CEP112: variants seen among roughly 807,000 people sequenced by gnomAD.
The protein encoded by CEP112 is centrosomal protein 112.
A neutral mutation model predicts 153.0 loss-of-function variants in CEP112; 127 were observed. The observed-to-expected ratio is 0.83, with a 90% confidence interval of 0.72 to 0.96. CEP112 has a LOEUF of 0.96. CEP112 is among the 40% of genes least tolerant of loss of function. The pLI, the probability that CEP112 is intolerant of heterozygous loss-of-function variation, is 0.00. For synonymous variants in CEP112, 358 were observed against 374.4 expected (o/e 0.96, Z 0.51); for missense variants, 1,089 against 1,101.2 (o/e 0.99, Z 0.16).
intron 21 of CEP112, among the ~76,000 whole-genome samples, chr17:65,846,736 T>C (rs1011022108): frequency 2.6e-5 from 4 of 152,112 alleles, no homozygotes; most frequent in East Asian, 3.8e-4. Flanking sequence ...ACCTGGCTAA[T>C]TTTTTGTATT....
In CEP112 at chr17:66,154,242, C is replaced by T. The variant is rs138202298; in HGVS notation, c.470+20802G>A. Among the ~76,000 whole-genome samples the T allele has an allele frequency of 3.3e-5, 5 of 151,796 alleles. No homozygotes were observed. In the East Asian group the frequency reaches 7.8e-4, roughly 24 times the overall value. Reference sequence around the variant, plus strand: ...TTTAAAAATAATGCTAGGCTGGGCACGGTGGCTCATGTCTTTAATCACAGC... The same window carrying T: ...TTTAAAAATAATGCTAGGCTGGGCATGGTGGCTCATGTCTTTAATCACAGC... On this transcript the variant is annotated intron_variant, in intron 4 of 26. Transcript: ENST00000535342.
Position 66,009,189 on chromosome 17 carries a change from T to TTGTGTG in CEP112, c.1657-3426_1657-3421dup, listed in dbSNP as rs34971943. 2.4e-3 allele frequency among the ~76,000 whole-genome samples: 346 copies of TTGTGTG among 146,938 alleles called. 6 individuals carry two copies. The highest frequency in any genetic ancestry group is 8.3e-3 in the African/African-American group (327 of 39,264). On this transcript the variant is annotated intron_variant, in intron 16 of 26. Coordinates refer to ENST00000535342, the MANE Select transcript of CEP112 (RefSeq NM_001199165.4). The stretch of plus-strand genomic sequence containing the variant: ...ATCCTGGCCTACACTTGTTATCCCT[T>TTGTGTG]TGTGTGTGTGTGTGTGTGTGTGTGT...
chr17:65,898,449 CT>C (rs1209968333), intron 20 of CEP112, among the ~76,000 whole-genome samples: 5 of 151,982 alleles, frequency 3.3e-5, no homozygotes, highest in Admixed American at 3.3e-4. Context: ...TCCAGGAAAA[CT>C]TTTTTCTAAG....
rs770893972 is a variant in CEP112, at chr17:65,902,247, G to A, written c.2068C>T (p.His690Tyr). 6.2e-7 allele frequency: 1 copy of A among 1,613,882 alleles called. No homozygotes were observed. The highest frequency in any genetic ancestry group is 1.1e-5 in the South Asian group (1 of 91,060). The change falls in exon 20 of 27, where the codon CAT becomes TAT. Residue 690 changes from histidine (H) to tyrosine (Y), a missense_variant. Transcript: ENST00000535342. ...NAEKDSLVRDHEREIENLEKQ... is the reference protein window; with the variant it reads ...NAEKDSLVRDYEREIENLEKQ... ...TCCAGGTTTTCAATTTCCCGTTCAT[G>A]GTCTCGGACTAGGCTATCCTTCTCT...
At chr17:65,717,190 T>C (rs1227521973) in intron 23 of CEP112, among the ~76,000 whole-genome samples, 1 of 152,232 alleles carries the variant, frequency 6.6e-6, no homozygotes, top group Non-Finnish European at 1.5e-5. Flanking sequence ...TTTCAGGACA[T>C]GTAACCACAT....
chr17:65,782,845 A>G (rs2054074958), intron 21 of CEP112, among the ~76,000 whole-genome samples: 1 of 152,126 alleles, frequency 6.6e-6, no homozygotes, highest in African/African-American at 2.4e-5. Flanking sequence ...TAGGGGTGGG[A>G]AAACTAACTG....
intron 6 of CEP112, among the ~76,000 whole-genome samples, chr17:66,101,079 T>C (rs2068549834): frequency 2.0e-5 from 3 of 152,150 alleles, no homozygotes. Context: ...CGAATATCTT[T>C]CAGAGTATAA....
chr17:65,961,693 AT>A, intron 17 of CEP112, 95 bp from the exon 18 acceptor site: 1 of 1,198,322 alleles, frequency 8.3e-7, no homozygotes, highest in East Asian at 2.5e-5. Flanking sequence ...TAAAATCCAG[AT>A]TTTAATTTTT....
At chr17:65,848,845 CTT>C (rs2057819340) in intron 21 of CEP112, among the ~76,000 whole-genome samples, 1 of 152,198 alleles carries the variant, frequency 6.6e-6, no homozygotes, top group African/African-American at 2.4e-5. Context: ...CAAATGTCCT[CTT>C]TGTCCCCTTG....
chr17:65,922,134 T>C (rs1431342131), intron 19 of CEP112, among the ~76,000 whole-genome samples: 1 of 152,140 alleles, frequency 6.6e-6, no homozygotes, highest in African/African-American at 2.4e-5. Context: ...TTTTACCGAC[T>C]TTAGATGGCA....
intron 6 of CEP112, among the ~76,000 whole-genome samples, chr17:66,120,830 T>C (rs1000946948): frequency 7.3e-5 from 11 of 150,096 alleles, no homozygotes; most frequent in Admixed American, 1.3e-4. Flanking sequence ...ATTTTCATTA[T>C]TGCTTGTGTT....
intron 21 of CEP112, among the ~76,000 whole-genome samples, chr17:65,832,985 GCAC>G (rs2057149825): frequency 6.6e-6 from 1 of 152,094 alleles, no homozygotes; most frequent in African/African-American, 2.4e-5. Flanking sequence ...GAATCCAGCA[GCAC>G]ATCAAAAAGC....
chr17:65,676,764 C>G (rs975871577), intron 24 of CEP112, among the ~76,000 whole-genome samples: 3 of 152,204 alleles, frequency 2.0e-5, no homozygotes, highest in Non-Finnish European at 4.4e-5. Flanking sequence ...ATTTACCTTC[C>G]TGTTTATGAA....
At chr17:66,058,087 TAA>T (rs67980104) in intron 11 of CEP112, among the ~76,000 whole-genome samples, 60,943 of 147,948 alleles carry the variant, frequency 0.41, 13,718 homozygotes, top group East Asian at 0.87. Context: ...GGCAAGACTC[TAA>T]AAAAAACAAA....
chr17:66,048,675 T>A lies in CEP112; in HGVS notation c.1218+5061A>T, dbSNP rs2066316430. 2.0e-5 allele frequency among the ~76,000 whole-genome samples: 3 copies of A among 151,956 alleles called. No individual in the cohort carries two copies. In the South Asian group the frequency reaches 6.2e-4, roughly 32 times the overall value. ...CCTAGGCTGGAGTGCAGTGGCGTGATCTCGGCTCACTGTAACCTCTGTCTC... is the reference window on the plus strand; with the variant it reads ...CCTAGGCTGGAGTGCAGTGGCGTGAACTCGGCTCACTGTAACCTCTGTCTC... On this transcript the variant is annotated intron_variant, in intron 12 of 26. Transcript: ENST00000535342.
At chr17:65,858,622 T>C (rs1469185946) in intron 20 of CEP112, among the ~76,000 whole-genome samples, 1 of 152,224 alleles carries the variant, frequency 6.6e-6, no homozygotes, top group Non-Finnish European at 1.5e-5. Flanking sequence ...ATTTGCACTT[T>C]GTTCTTTGAT....
intron 20 of CEP112, among the ~76,000 whole-genome samples, chr17:65,854,282 A>G (rs1298019922): frequency 6.6e-6 from 1 of 152,204 alleles, no homozygotes; most frequent in Non-Finnish European, 1.5e-5. Context: ...CAAAATATCT[A>G]CAAGAATTAT....
intron 21 of CEP112, among the ~76,000 whole-genome samples, chr17:65,808,212 T>C (rs773250461): frequency 3.9e-5 from 6 of 152,212 alleles, no homozygotes; most frequent in African/African-American, 9.7e-5. Flanking sequence ...AGCCCTTTTC[T>C]TTTTGCCAAT....
Position 65,635,916 on chromosome 17 carries a change from G to T in CEP112, c.*55C>A. On this transcript the variant is annotated 3_prime_UTR_variant, in exon 27 of 27. Coordinates refer to ENST00000535342, the MANE Select transcript of CEP112 (RefSeq NM_001199165.4). ...CAATATCCAAATCTTCAAACCTGCTGGAAGAAGTCCACAGCACAGCCTGGA... is the reference window on the plus strand; with the variant it reads ...CAATATCCAAATCTTCAAACCTGCTTGAAGAAGTCCACAGCACAGCCTGGA... 4 of 1,576,580 alleles carry T rather than the reference G, an allele frequency of 2.5e-6. No individual in the cohort carries two copies. In the South Asian group the frequency reaches 3.5e-5, roughly 14 times the overall value.
Sources: gnomAD v4.1 joint callset for allele counts (sites outside exome capture counted in the v4.1 genomes callset) on GRCh38, gnomAD v4.1.1 for gene constraint, MANE v1.5 for transcripts, NCBI Gene and HGNC (gene_info 2026-07-23, HGNC 2026-07-21) for gene names.